CPAMD8: variants seen among roughly 807,000 people sequenced by gnomAD.
CPAMD8 encodes C3 and PZP like alpha-2-macroglobulin domain containing 8, also known as C3 and PZP-like alpha-2-macroglobulin domain-containing protein 8.
CPAMD8 carries 146 observed loss-of-function variants against 224.7 expected under a neutral mutation model. The ratio of observed to expected loss-of-function variants is 0.65; its 90% CI spans 0.57 to 0.75. The LOEUF (loss-of-function observed/expected upper bound fraction) is 0.75, where lower values mean the gene tolerates loss of function less well. Among genes scored for constraint, CPAMD8 ranks in the 30% least tolerant of loss-of-function variants. The probability of loss-of-function intolerance (pLI) is 0.00; values close to 1 mark genes in which losing one functional copy is unlikely to be tolerated. For missense variants in CPAMD8, 2,301 were observed against 2,537.5 expected (o/e 0.91, Z 2.00); for synonymous variants, 966 against 1,044.6 (o/e 0.92, Z 1.45).
intron 3 of CPAMD8, among the ~76,000 whole-genome samples, chr19:17,016,710 A>C (rs2056821141): frequency 6.6e-6 from 1 of 152,098 alleles, no homozygotes; most frequent in African/African-American, 2.4e-5. Flanking sequence ...CAGTGAGCTG[A>C]GATCGTGCCA....
intron 15 of CPAMD8, among the ~76,000 whole-genome samples, chr19:16,976,499 G>A (rs1181221925): frequency 2.6e-5 from 4 of 151,938 alleles, no homozygotes; most frequent in African/African-American, 9.7e-5. Context: ...AAAGAAACTT[G>A]GTTCAATCCA....
chr19:16,904,176 ACCCCACCCACCCAGCCCT>A, intron 32 of CPAMD8, 32 bp downstream of exon 32: 1 of 937,340 alleles, frequency 1.1e-6, no homozygotes, highest in Non-Finnish European at 1.7e-6. Context: ...GACTGCAGGG[ACCCCACCCACCCAGCCCT>A]GAGCCCCTCC....
At chr19:16,934,682 C>G (rs1241494459) in intron 23 of CPAMD8, among the ~76,000 whole-genome samples, 2 of 152,108 alleles carry the variant, frequency 1.3e-5, no homozygotes, top group African/African-American at 4.8e-5. Context: ...GCAAATACAA[C>G]AAAATGTCAA....
At chr19:16,964,336 A>C (rs1160945772) in intron 18 of CPAMD8, among the ~76,000 whole-genome samples, 1 of 152,230 alleles carries the variant, frequency 6.6e-6, no homozygotes, top group African/African-American at 2.4e-5. Context: ...AAATAGACGC[A>C]ATAAAAAATG....
At chr19:16,919,285 T>C (rs912045110) in intron 27 of CPAMD8, among the ~76,000 whole-genome samples, 1 of 152,094 alleles carries the variant, frequency 6.6e-6, no homozygotes, top group Non-Finnish European at 1.5e-5. Flanking sequence ...CAAAAGGCGC[T>C]ATGGCATCCT....
At chr19:16,906,407 TTTCCTTCCTTCC>T (rs553500267) in intron 30 of CPAMD8, among the ~76,000 whole-genome samples, 6 of 69,892 alleles carry the variant, frequency 8.6e-5, no homozygotes, top group African/African-American at 1.3e-4. Flanking sequence ...TCTTTCTTTC[TTTCCTTCCTTCC>T]TTCCTTCCTT....
Position 16,925,380 on chromosome 19 carries a change from G to A in CPAMD8, c.3371-8C>T. ...TTGGCCCCATGACGTCCCCTGGTGGGAAGGAGAAGAGAGTTGAGTTGGGGG... is the reference window on the plus strand; with the variant it reads ...TTGGCCCCATGACGTCCCCTGGTGGAAAGGAGAAGAGAGTTGAGTTGGGGG... On this transcript the variant is annotated splice_region_variant and splice_polypyrimidine_tract_variant and intron_variant, in intron 25 of 41. Transcript: ENST00000443236. 1 of 1,611,772 alleles carries A rather than the reference G, an allele frequency of 6.2e-7. No homozygotes were observed. Among genetic ancestry groups the A allele is most frequent in the Non-Finnish European group, 8.5e-7 (1 of 1,178,072 alleles).
Position 16,904,272 on chromosome 19 carries a change from C to A in CPAMD8, c.4205G>T (p.Trp1402Leu), listed in dbSNP as rs769982021. The A allele has an allele frequency of 5.0e-6, 8 of 1,613,514 alleles. No homozygotes were observed. The South Asian group carries it at 8.8e-5, about 18-fold the overall frequency. ...AAGTGCATTTCGCTGCTGGGACAGC[C>A]ACTTCACCACAGGCAGGGCGGCAGC... Reference protein sequence around the residue: ...DVAAALPVVKWLSQQRNALGG... With the variant: ...DVAAALPVVKLLSQQRNALGG... Residue 1402 changes from tryptophan (W) to leucine (L), a missense_variant, in exon 32 of 42, where the codon TGG becomes TTG. Around this residue, in one of 4 missense-constraint regions of CPAMD8, gnomAD observed 1,709 missense variants for 1,753.2 expected, o/e 0.97. Coordinates refer to ENST00000443236, the MANE Select transcript of CPAMD8 (RefSeq NM_015692.5).
chr19:16,944,793 T>G (rs2122229655), intron 22 of CPAMD8, among the ~76,000 whole-genome samples: 1 of 152,240 alleles, frequency 6.6e-6, no homozygotes, highest in South Asian at 2.1e-4. Flanking sequence ...AGAAGCCACT[T>G]GTGTTCAGGG....
At chr19:17,002,074 A>G (rs1412830130) in intron 9 of CPAMD8, among the ~76,000 whole-genome samples, 192 bp downstream of exon 9, 1 of 146,434 alleles carries the variant, frequency 6.8e-6, no homozygotes, top group Non-Finnish European at 1.5e-5. Flanking sequence ...CGCCTACTGG[A>G]GAGAGTCACA....
rs1180750839 is a variant in CPAMD8, at chr19:16,899,551, T to A, written c.4774-2A>T. 4.0e-6 allele frequency: 6 copies of A among 1,500,828 alleles called. No individual in the cohort carries two copies. Among genetic ancestry groups the A allele is most frequent in the Non-Finnish European group, 5.6e-6 (6 of 1,077,002 alleles). 93.0% of individuals were successfully genotyped at this position (1,500,828 alleles called of 1,614,324 possible). A position where few individuals can be genotyped will look rare whatever the true frequency, so the allele number is the denominator to read the frequency against. On this transcript the variant is annotated splice_acceptor_variant, in intron 36 of 41. Coordinates refer to ENST00000443236, the MANE Select transcript of CPAMD8 (RefSeq NM_015692.5). LOFTEE classifies it high-confidence loss of function. This position sits in a 1 kb window ranked among gnomAD's most constrained non-coding sequence, Gnocchi z 5.4. ...CCCCATGTGCTTGTCAAGGAGCAGC[T>A]GCAGAGGAAGCCAGAAGTCAGGGTC...
In CPAMD8 at chr19:17,011,678, T is replaced by A. The variant is rs1470871848; in HGVS notation, c.347A>T (p.His116Leu). 2.5e-6 allele frequency: 4 copies of A among 1,613,728 alleles called. No individual in the cohort carries two copies. In the African/African-American group the frequency reaches 5.3e-5, roughly 22 times the overall value. Residue 116 changes from histidine to leucine, a missense_variant, in exon 4 of 42, where the codon CAC becomes CTC. Coordinates refer to ENST00000443236, the MANE Select transcript of CPAMD8 (RefSeq NM_015692.5). Reference protein sequence around the residue: ...GWQAEEGPLFHNQTSVTVDGR... With the variant: ...GWQAEEGPLFLNQTSVTVDGR... ...GTCCACGGTCACCGAGGTCTGGTTG[T>A]GAAAGAGGGGCCCCTCCTCCGCCTG...
chr19:16,940,192 G>A (rs879477528), intron 22 of CPAMD8, among the ~76,000 whole-genome samples: 11 of 152,122 alleles, frequency 7.2e-5, no homozygotes, highest in East Asian at 1.9e-4. Flanking sequence ...GATTACAGGC[G>A]TGAGCCACCA....
chr19:17,021,914 A>C (rs2056967880), intron 2 of CPAMD8, 116 bp downstream of exon 2: 4 of 369,648 alleles, frequency 1.1e-5, no homozygotes, highest in Non-Finnish European at 1.1e-5. Context: ...GCCCCTGGGG[A>C]TTTAGGGCAG....
At chr19:16,987,246 G>T (rs1305253483) in intron 13 of CPAMD8, among the ~76,000 whole-genome samples, 1 of 123,336 alleles carries the variant, frequency 8.1e-6, no homozygotes, top group African/African-American at 3.1e-5. Flanking sequence ...GAACACACAT[G>T]TACACAGCAT....
At chr19:16,987,074 G>A (rs1456663818) in intron 13 of CPAMD8, among the ~76,000 whole-genome samples, 9 of 141,872 alleles carry the variant, frequency 6.3e-5, no homozygotes, top group African/African-American at 2.4e-4. Context: ...CAGGAGAAGT[G>A]CTTGAACCCA....
At chr19:17,002,065 G>A (rs1466739279) in intron 9 of CPAMD8, among the ~76,000 whole-genome samples, 3 of 151,066 alleles carry the variant, frequency 2.0e-5, no homozygotes, top group Admixed American at 1.3e-4. Flanking sequence ...AGGAGGGGGC[G>A]CCTACTGGAG....
intron 29 of CPAMD8, among the ~76,000 whole-genome samples, chr19:16,911,767 G>A (rs1200983103): frequency 3.3e-5 from 5 of 151,926 alleles, no homozygotes; most frequent in Non-Finnish European, 7.4e-5. Flanking sequence ...GGATGGTCTC[G>A]ATCTCCTGAC....
chr19:16,938,547 G>A lies in CPAMD8; in HGVS notation c.2794-101C>T, dbSNP rs911374134. The A allele has an allele frequency of 1.4e-5, 9 of 662,778 alleles. No homozygotes were observed. In the African/African-American group the frequency reaches 1.7e-4, roughly 13 times the overall value. The allele number at this position is 662,778 out of a possible 1,614,324, so 41.1% of individuals were successfully genotyped here. On this transcript the variant is annotated intron_variant, in intron 22 of 41. Coordinates refer to ENST00000443236, the MANE Select transcript of CPAMD8 (RefSeq NM_015692.5). ...TCCCACAGCAATGACTTCAAGTCCA[G>A]ACCACATAATTGTGCTTCCAGGTTT...
Sources: allele counts gnomAD v4.1 joint callset (sites outside exome capture counted in the v4.1 genomes callset), GRCh38; gene constraint gnomAD v4.1.1; regional missense constraint gnomAD v4.1.1; non-coding constraint Gnocchi (gnomAD v3.1); transcripts MANE v1.5; gene names NCBI Gene and HGNC (gene_info 2026-07-23, HGNC 2026-07-21).